PHF21B: variants seen among roughly 807,000 people sequenced by gnomAD.
The protein encoded by PHF21B is PHD finger protein 4.
A neutral mutation model predicts 62.2 loss-of-function variants in PHF21B; 22 were observed. The ratio of observed to expected loss-of-function variants is 0.35; its 90% confidence interval spans 0.25 to 0.51. The LOEUF (loss-of-function observed/expected upper bound fraction) is 0.51. Ranked by LOEUF, PHF21B falls within the 20% of genes least tolerant of loss-of-function variation. The pLI is 0.97. For missense variants in PHF21B, 701 were observed against 707.9 expected (o/e 0.99, Z 0.11); for synonymous variants, 341 against 314.7 (o/e 1.08, Z -0.88).
At chr22:45,002,120 T>C (rs2073231109) in intron 2 of PHF21B, 2 of 152,184 alleles carry the variant, frequency 1.3e-5, no homozygotes, top group African/African-American at 4.8e-5. Flanking sequence ...CAAAAACAAA[T>C]CCTTCCTCTC....
intron 2 of PHF21B, among the ~76,000 whole-genome samples, chr22:44,968,406 G>A (rs1208853404): frequency 6.6e-6 from 1 of 152,158 alleles, no homozygotes; most frequent in African/African-American, 2.4e-5. Context: ...GACTTTAGGA[G>A]GCTGAGGTGG....
At chr22:45,006,013 T>A (rs2073307633) in intron 2 of PHF21B, among the ~76,000 whole-genome samples, 1 of 152,086 alleles carries the variant, frequency 6.6e-6, no homozygotes, top group South Asian at 2.1e-4. Flanking sequence ...CCAGCTAAGC[T>A]GCCAATCACC....
intron 5 of PHF21B, among the ~76,000 whole-genome samples, chr22:44,907,632 T>G (rs1227075845): frequency 6.6e-6 from 1 of 152,196 alleles, no homozygotes; most frequent in East Asian, 1.9e-4. Context: ...GTTCTGGCCT[T>G]GGTCACGGGA....
At chr22:44,955,396 CCTGG>C (rs2072276031) in intron 2 of PHF21B, among the ~76,000 whole-genome samples, 1 of 152,196 alleles carries the variant, frequency 6.6e-6, no homozygotes, top group South Asian at 2.1e-4. Context: ...GGCAGCCTGA[CCTGG>C]CTAAGGGGTG....
At chr22:44,983,845 C>T (rs2147482707) in intron 2 of PHF21B, among the ~76,000 whole-genome samples, 1 of 152,136 alleles carries the variant, frequency 6.6e-6, no homozygotes, top group East Asian at 1.9e-4. Context: ...TTGCATAAGC[C>T]TTTATAGCTG....
chr22:44,882,770 G>T lies in PHF21B; in HGVS notation c.*316C>A, dbSNP rs1054366577. ...GCCTGCCCCTCCAACGGGCCAGAGG[G>T]AGGCCGTGGAGAGCAGGGCCTGGAA... is the stretch of plus-strand genomic sequence containing the variant. On this transcript the variant is annotated 3_prime_UTR_variant, in exon 13 of 13. Coordinates refer to ENST00000313237, the MANE Select transcript of PHF21B (RefSeq NM_138415.5). The T allele has an allele frequency of 4.2e-5, 13 of 306,894 alleles. No homozygotes were observed. The highest frequency in any genetic ancestry group is 2.4e-4 in the African/African-American group (11 of 45,862). The allele number at this position is 306,894 out of a possible 1,614,324, so 19.0% of individuals were successfully genotyped here.
intron 2 of PHF21B, among the ~76,000 whole-genome samples, chr22:44,931,761 G>A (rs371210405): frequency 3.3e-5 from 5 of 152,222 alleles, no homozygotes; most frequent in East Asian, 1.9e-4. Context: ...TAGTTCTGCC[G>A]TGGAGGGTGT....
At chr22:44,960,421 T>C (rs73422567) in intron 2 of PHF21B, among the ~76,000 whole-genome samples, 9,564 of 152,204 alleles carry the variant, frequency 0.063, 962 homozygotes, top group African/African-American at 0.22. Flanking sequence ...TCAACGACTA[T>C]GGTCACCTGC....
chr22:44,963,520 C>T (rs767365225), intron 2 of PHF21B, among the ~76,000 whole-genome samples: 1 of 152,228 alleles, frequency 6.6e-6, no homozygotes. Context: ...CAGCAACCCT[C>T]GTCATGGTCA....
intron 2 of PHF21B, among the ~76,000 whole-genome samples, chr22:44,986,146 ACACCATGAGCACCACCAT>A (rs1429310702): frequency 8.6e-6 from 1 of 116,536 alleles, no homozygotes; most frequent in African/African-American, 3.5e-5. Flanking sequence ...AGCACCACCA[ACACCATGAGCACCACCAT>A]CACCATGAGC....
chr22:44,996,876 A>G (rs1346341206), intron 2 of PHF21B, among the ~76,000 whole-genome samples: 1 of 152,168 alleles, frequency 6.6e-6, no homozygotes, highest in African/African-American at 2.4e-5. Context: ...ATACATGCAG[A>G]CGCACACAAG....
intron 2 of PHF21B, among the ~76,000 whole-genome samples, chr22:44,991,116 G>C (rs984060455): frequency 1.3e-5 from 2 of 152,224 alleles, no homozygotes; most frequent in South Asian, 2.1e-4. Flanking sequence ...AATGCAACCT[G>C]GGCTTCAATC....
At position 44,943,003 on chromosome 22, in the gene PHF21B, C is replaced by T. The variant is rs971579600; in HGVS notation, c.121-22513G>A. 5.9e-5 allele frequency among the ~76,000 whole-genome samples: 9 copies of T among 151,402 alleles called. No individual in the cohort carries two copies. In the East Asian group the frequency reaches 1.8e-3, roughly 30 times the overall value. On this transcript the variant is annotated intron_variant, in intron 2 of 12. Coordinates refer to ENST00000313237, the MANE Select transcript of PHF21B (RefSeq NM_138415.5). ...ACCCCCAGCAGGGAGGGACCCCCCC[C>T]CCCCCATCCTCAGAAGGGCTGACCA...
chr22:44,941,863 C>T (rs887056182), intron 2 of PHF21B, among the ~76,000 whole-genome samples: 4 of 152,194 alleles, frequency 2.6e-5, no homozygotes, highest in Non-Finnish European at 4.4e-5. Context: ...ACCCCAGGTA[C>T]AGGGGACACA....
chr22:44,908,112 G>T (rs1277640458), intron 5 of PHF21B, among the ~76,000 whole-genome samples: 1 of 152,182 alleles, frequency 6.6e-6, no homozygotes. Flanking sequence ...AGCGGTTCGG[G>T]TCCTGAGCAG....
intron 5 of PHF21B, among the ~76,000 whole-genome samples, chr22:44,906,232 G>A (rs569976795): frequency 1.7e-4 from 26 of 152,174 alleles, no homozygotes; most frequent in Non-Finnish European, 3.4e-4. Context: ...GTCCATTCAC[G>A]TGAACCCAGA....
chr22:44,885,658 G>C (rs1040741000), intron 11 of PHF21B, 129 bp from the exon 12 acceptor site: 1 of 1,062,828 alleles, frequency 9.4e-7, no homozygotes, highest in Non-Finnish European at 1.3e-6. Flanking sequence ...CAGTGGCTGT[G>C]GCCAAATGCA....
chr22:44,903,212 T>TCTAA (rs1423800590), intron 5 of PHF21B, among the ~76,000 whole-genome samples: 3 of 152,192 alleles, frequency 2.0e-5, no homozygotes, highest in African/African-American at 4.8e-5. Context: ...CCCAGCCCTG[T>TCTAA]CTAAGCTAAG....
chr22:44,912,499 G>A (rs2071359859), intron 5 of PHF21B, among the ~76,000 whole-genome samples: 2 of 151,780 alleles, frequency 1.3e-5, no homozygotes, highest in African/African-American at 2.4e-5. Flanking sequence ...AAGATCTGAT[G>A]TGTTTAAAAA....
Sources: gnomAD v4.1 joint callset for allele counts (sites outside exome capture counted in the v4.1 genomes callset) on GRCh38, gnomAD v4.1.1 for gene constraint, MANE v1.5 for transcripts, NCBI Gene and HGNC (gene_info 2026-07-23, HGNC 2026-07-21) for gene names.